Variants in DNAH11 observed in about 807,000 individuals in gnomAD.
DNAH11 encodes axonemal beta dynein heavy chain 11.
In DNAH11, 442 loss-of-function variants were observed where a neutral mutation model predicts 526.0. The ratio of observed to expected loss-of-function variants is 0.84; its 90% CI spans 0.78 to 0.91. The LOEUF is 0.91. DNAH11 is among the 40% of genes least tolerant of loss of function. DNAH11 has a pLI of 0.00. For missense variants in DNAH11, 6,989 were observed against 5,448.7 expected (o/e 1.28, Z -8.90); for synonymous variants, 2,461 against 1,935.9 (o/e 1.27, Z -7.12).
intron 76 of DNAH11, among the ~76,000 whole-genome samples, chr7:21,892,179 C>T (rs913607193): frequency 6.6e-6 from 1 of 152,120 alleles, no homozygotes; most frequent in Non-Finnish European, 1.5e-5. Context: ...CACACTGCCC[C>T]ATGCACACTG....
rs148585564 is a variant in DNAH11 at position 21,896,802 on chromosome 7, C to T, written c.13049+1803C>T. Among the ~76,000 whole-genome samples, 77 of 152,258 alleles carry T rather than the reference C, an allele frequency of 5.1e-4. 1 individual carries two copies. In the East Asian group the frequency reaches 7.9e-3, roughly 16 times the overall value. On this transcript the variant is annotated intron_variant, in intron 79 of 81. Coordinates refer to ENST00000409508, the MANE Select transcript of DNAH11 (RefSeq NM_001277115.2). Reference sequence around the variant, plus strand: ...ATTGTCCAGGTTGGGCGCAGTGGCTCATGCCCAGCACTTTGGGAGGGCAAG... The same window carrying T: ...ATTGTCCAGGTTGGGCGCAGTGGCTTATGCCCAGCACTTTGGGAGGGCAAG...
chr7:21,880,698 C>A lies in DNAH11; in HGVS notation c.12196-4C>A, dbSNP rs772933789. The A allele has an allele frequency of 1.9e-6, 3 of 1,612,760 alleles. No homozygotes were observed. The highest frequency in any genetic ancestry group is 3.3e-5 in the Admixed American group (2 of 59,754). ...AATCAAGCATTTCTTCTCTTTTTTC[C>A]CAGGATACACTTGAAATATGCTCCA... On this transcript the variant is annotated splice_polypyrimidine_tract_variant and splice_region_variant and intron_variant, in intron 74 of 81. Transcript: ENST00000409508.
chr7:21,869,471 G>A (rs1233961399), intron 73 of DNAH11, among the ~76,000 whole-genome samples: 2 of 152,032 alleles, frequency 1.3e-5, no homozygotes, highest in Non-Finnish European at 2.9e-5. Flanking sequence ...GAAGGGTGGG[G>A]GGAATGGAAT....
chr7:21,797,753 A>G (rs964570414), intron 61 of DNAH11, among the ~76,000 whole-genome samples: 2 of 152,200 alleles, frequency 1.3e-5, no homozygotes, highest in African/African-American at 4.8e-5. Context: ...ACATTCACTC[A>G]TGCCCTTAAG....
chr7:21,789,808 T>TTTCTTTCTTTCTTTCTTTC (rs1788373540), intron 61 of DNAH11, among the ~76,000 whole-genome samples: 12 of 34,128 alleles, frequency 3.5e-4, no homozygotes, highest in Middle Eastern at 0.013. Flanking sequence ...TTTCTTTCTT[T>TTTCTTTCTTTCTTTCTTTC]TTTCTTTCTT....
chr7:21,553,309 T>C (rs7805651), intron 2 of DNAH11, among the ~76,000 whole-genome samples: 8,439 of 152,126 alleles, frequency 0.055, 769 homozygotes, highest in African/African-American at 0.19. Context: ...GTTTCTGCTT[T>C]AGGAACATAT....
intron 66 of DNAH11, among the ~76,000 whole-genome samples, chr7:21,847,939 G>A (rs1046384363): frequency 9.2e-5 from 14 of 152,172 alleles, no homozygotes; most frequent in South Asian, 8.3e-4. Flanking sequence ...GCTGAGACGG[G>A]CGGATCACGA....
At chr7:21,775,782 G>T (rs1787645784) in intron 56 of DNAH11, among the ~76,000 whole-genome samples, 3 of 152,110 alleles carry the variant, frequency 2.0e-5, no homozygotes, top group Admixed American at 6.6e-5. Flanking sequence ...CTGGAGTCCT[G>T]TTGGGCTAGA....
chr7:21,557,163 A>G (rs1013295193), intron 2 of DNAH11, among the ~76,000 whole-genome samples: 3 of 152,134 alleles, frequency 2.0e-5, no homozygotes, highest in African/African-American at 7.2e-5. Context: ...GTTCTTCACA[A>G]ACTACCCGTG....
intron 65 of DNAH11, among the ~76,000 whole-genome samples, chr7:21,827,140 G>A (rs985735748): frequency 3.9e-5 from 6 of 152,204 alleles, no homozygotes; most frequent in East Asian, 1.9e-4. Context: ...ATATACAGGT[G>A]AACCTGGCCC....
At chr7:21,730,755 G>T (rs1384883179) in intron 45 of DNAH11, among the ~76,000 whole-genome samples, 1 of 152,160 alleles carries the variant, frequency 6.6e-6, no homozygotes, top group Non-Finnish European at 1.5e-5. Context: ...AAGTTCAAGA[G>T]ATCTATCGTA....
At chr7:21,644,591 G>A (rs181953475) in intron 28 of DNAH11, among the ~76,000 whole-genome samples, 3 of 152,146 alleles carry the variant, frequency 2.0e-5, no homozygotes, top group Non-Finnish European at 4.4e-5. Context: ...TTAAGCTGGG[G>A]CTGAAGAAGG....
At chr7:21,720,661 ATATTCT>A in intron 43 of DNAH11, 58 bp from the exon 44 acceptor site, 1 of 1,482,360 alleles carries the variant, frequency 6.7e-7, no homozygotes, top group South Asian at 1.3e-5. Flanking sequence ...AGTTGTAAAA[ATATTCT>A]TTGAACTTCA....
At chr7:21,564,053 ATATAAAAGG>A in intron 5 of DNAH11, 124 bp from the exon 6 acceptor site, 2 of 583,330 alleles carry the variant, frequency 3.4e-6, no homozygotes, top group Non-Finnish European at 5.8e-6. Flanking sequence ...AGGATAAGTA[ATATAAAAGG>A]AACTATGACA....
chr7:21,781,932 C>A (rs1009265039), intron 57 of DNAH11, among the ~76,000 whole-genome samples: 1 of 152,208 alleles, frequency 6.6e-6, no homozygotes, highest in Non-Finnish European at 1.5e-5. Flanking sequence ...ACTGTGATTA[C>A]TTCTGCTGAT....
chr7:21,544,040 AC>A (rs947101035), intron 1 of DNAH11, among the ~76,000 whole-genome samples: 1 of 152,096 alleles, frequency 6.6e-6, no homozygotes, highest in African/African-American at 2.4e-5. Context: ...ACAACACTTC[AC>A]CCCAGGCAAA....
At chr7:21,686,120 ACTGT>A (rs2051828799) in intron 32 of DNAH11, among the ~76,000 whole-genome samples, 1 of 152,302 alleles carries the variant, frequency 6.6e-6, no homozygotes, top group South Asian at 2.1e-4. Flanking sequence ...ATGCAGAAAC[ACTGT>A]CTGTTTTCAT....
chr7:21,850,459 A>G (rs1392525106), intron 66 of DNAH11, among the ~76,000 whole-genome samples: 1 of 151,728 alleles, frequency 6.6e-6, no homozygotes, highest in Admixed American at 6.6e-5. Context: ...TTCTATCTCT[A>G]CTTACATTGC....
At chr7:21,704,949 T>C (rs1474315623) in intron 38 of DNAH11, among the ~76,000 whole-genome samples, 2 of 152,154 alleles carry the variant, frequency 1.3e-5, no homozygotes, top group African/African-American at 2.4e-5. Context: ...TTAGAGAACA[T>C]TGGAAGTAAA....
Sources: allele counts gnomAD v4.1 joint callset (sites outside exome capture counted in the v4.1 genomes callset), GRCh38; gene constraint gnomAD v4.1.1; transcripts MANE v1.5; gene names NCBI Gene and HGNC (gene_info 2026-07-23, HGNC 2026-07-21).